The following YTHDF1 variants were observed in gnomAD, a reference collection of about 807,000 sequenced individuals.
YTHDF1 encodes YTH N6-methyladenosine RNA binding protein F1.
In YTHDF1, 16 loss-of-function variants were observed where a neutral mutation model predicts 49.1. The observed-to-expected ratio is 0.33, with a 90% CI of 0.22 to 0.49. The LOEUF is 0.49. YTHDF1 is among the 20% of genes least tolerant of loss of function. YTHDF1 has a pLI of 0.99. For synonymous variants in YTHDF1, 313 were observed against 290.1 expected (o/e 1.08, Z -0.80); for missense variants, 621 against 744.3 (o/e 0.83, Z 1.93).
chr20:63,202,418 T>C lies in YTHDF1; in HGVS notation c.1522A>G (p.Thr508Ala). ...DNKPVTNSRD[T>A]QEVPLEKAKQ... ...GCTTTTTCTAAGGGCACCTCCTGGG[T>C]GTCCCGGGAGTTTGTGACCGGTTTG... Residue 508 changes from threonine to alanine, a missense_variant, in exon 4 of 5, where the codon ACC becomes GCC. Physicochemically the swap from Thr to Ala is moderately conservative, Grantham distance 58 (BLOSUM62 0). Coordinates refer to ENST00000370339, the MANE Select transcript of YTHDF1 (RefSeq NM_017798.4). 1 of 1,614,296 alleles carries C rather than the reference T, an allele frequency of 6.2e-7. No homozygotes were observed. The highest frequency in any genetic ancestry group is 1.3e-5 in the African/African-American group (1 of 75,078).
rs982434227 is a variant in YTHDF1 at position 63,196,462 on chromosome 20, A to G, written c.*246T>C. 6 of 397,710 alleles carry G rather than the reference A, an allele frequency of 1.5e-5. No homozygotes were observed. The highest frequency in any genetic ancestry group is 2.7e-5 in the Non-Finnish European group (6 of 222,080). The allele number at this position is 397,710 out of a possible 1,614,324, so 24.6% of individuals were successfully genotyped here. On this transcript the variant is annotated 3_prime_UTR_variant, in exon 5 of 5. Transcript: ENST00000370339. ...GTTTTTAAGGATACTTACATTTCAC[A>G]TTAGATCAGTCTGATTGATAAGCTG...
Position 63,203,106 on chromosome 20 carries a change from C to T in YTHDF1, c.834G>A (p.Gly278=). The change falls in exon 4 of 5, where the codon GGG becomes GGA. Residue 278 remains glycine, a synonymous_variant. Transcript: ENST00000370339. This position sits in a 1 kb window ranked among gnomAD's most constrained non-coding sequence, Gnocchi z 4.4. ...GGGGGACTGGGGCCTTCGGCACAGG[C>T]CCCTTGTTATCCCAGGTGCCAATGT... ...NMDIGTWDNK[G]PVPKAPVPQQ... The T allele has an allele frequency of 3.1e-6, 5 of 1,611,444 alleles. No individual in the cohort carries two copies. Among genetic ancestry groups the T allele is most frequent in the African/African-American group, 1.3e-5 (1 of 74,958 alleles).
Position 63,203,698 on chromosome 20 carries a change from G to A in YTHDF1, c.242C>T (p.Pro81Leu), listed in dbSNP as rs1204932574. 2 of 1,614,202 alleles carry A rather than the reference G, an allele frequency of 1.2e-6. No individual in the cohort carries two copies. Among genetic ancestry groups the A allele is most frequent in the Non-Finnish European group, 1.7e-6 (2 of 1,180,034 alleles). ...NEAPWSTAGD[P>L]PIPYLTTYGQ... ...GTAGGTGGTGAGGTATGGAATCGGA[G>A]GGTCCCCTGCAGTAGACCACGGAGC... Residue 81 changes from proline (P) to leucine (L), a missense_variant, in exon 4 of 5, where the codon CCT becomes CTT. By Grantham distance (98) the Pro-to-Leu change is moderately conservative. This residue lies in a region of YTHDF1 where 470 missense variants were observed against 495.8 expected (regional missense o/e 0.95). Coordinates refer to ENST00000370339, the MANE Select transcript of YTHDF1 (RefSeq NM_017798.4). The surrounding 1 kb of genome is among the most constrained non-coding windows in gnomAD (Gnocchi z 4.4).
intron 4 of YTHDF1, among the ~76,000 whole-genome samples, chr20:63,200,474 G>A (rs2122973460): frequency 6.6e-6 from 1 of 152,290 alleles, no homozygotes; most frequent in Non-Finnish European, 1.5e-5. Context: ...GAGTTCTCCA[G>A]CTTGGCTAAC....
At chr20:63,214,895 C>CA (rs1345453839) in intron 2 of YTHDF1, among the ~76,000 whole-genome samples, 1 of 152,208 alleles carries the variant, frequency 6.6e-6, no homozygotes, top group Non-Finnish European at 1.5e-5. Flanking sequence ...CCCTTTGGCT[C>CA]AGTGATTTGG....
At chr20:63,214,875 G>A (rs758812278) in intron 2 of YTHDF1, among the ~76,000 whole-genome samples, 1 of 152,190 alleles carries the variant, frequency 6.6e-6, no homozygotes, top group East Asian at 1.9e-4. Flanking sequence ...AGTTCTCAGC[G>A]TAGCTTTCTC....
Position 63,203,216 on chromosome 20 carries a change from C to A in YTHDF1, c.724G>T (p.Ala242Ser), listed in dbSNP as rs2066527156. Residue 242 changes from alanine to serine, a missense_variant, in exon 4 of 5, where the codon GCA becomes TCA. By Grantham distance (99) the Ala-to-Ser change is moderately conservative. Coordinates refer to ENST00000370339, the MANE Select transcript of YTHDF1 (RefSeq NM_017798.4). This position sits in a 1 kb window ranked among gnomAD's most constrained non-coding sequence, Gnocchi z 4.4. ...GTTTTCATTTTAGGCTGTGGTTTTGCAGGCTTGCTGGCAATGGCAGCCCAC... is the reference window on the plus strand; with the variant it reads ...GTTTTCATTTTAGGCTGTGGTTTTGAAGGCTTGCTGGCAATGGCAGCCCAC... ...TSWAAIASKP[A>S]KPQPKMKTKS... 6.2e-7 allele frequency: 1 copy of A among 1,613,908 alleles called. No individual in the cohort carries two copies. Among genetic ancestry groups the A allele is most frequent in the Non-Finnish European group, 8.5e-7 (1 of 1,180,054 alleles).
intron 4 of YTHDF1, among the ~76,000 whole-genome samples, chr20:63,198,213 G>C (rs1014975909): frequency 6.6e-6 from 1 of 151,650 alleles, no homozygotes; most frequent in Non-Finnish European, 1.5e-5. Context: ...TGGGTGGATT[G>C]CCTGAGCTCA....
intron 3 of YTHDF1, among the ~76,000 whole-genome samples, chr20:63,209,694 GGA>G (rs1180776034): frequency 6.6e-6 from 1 of 152,048 alleles, no homozygotes; most frequent in African/African-American, 2.4e-5. Context: ...CCCAGGTGAG[GGA>G]GAGACCCTGC....
chr20:63,214,023 C>G (rs2066589107), intron 2 of YTHDF1, 80 bp from the exon 3 acceptor site: 1 of 1,486,264 alleles, frequency 6.7e-7, no homozygotes, highest in African/African-American at 1.5e-5. Flanking sequence ...TTAGCAAAGT[C>G]TATTTCCATC....
intron 4 of YTHDF1, 125 bp downstream of exon 4, chr20:63,202,162 G>A (rs6122394): frequency 0.21 from 277,710 of 1,321,284 alleles, 30,232 homozygotes; most frequent in East Asian, 0.33. Flanking sequence ...CGGCCAACTG[G>A]GAGCTGCCTG....
In YTHDF1 at chr20:63,202,717, T is replaced by C. The variant is rs2066523481; in HGVS notation, c.1223A>G (p.Tyr408Cys). The C allele has an allele frequency of 1.2e-6, 2 of 1,613,970 alleles. No homozygotes were observed. The highest frequency in any genetic ancestry group is 1.7e-5 in the Admixed American group (1 of 60,010). Residue 408 changes from tyrosine to cysteine, a missense_variant, in exon 4 of 5, where the codon TAC becomes TGC. Tyr to Cys is a radical substitution (Grantham distance 194). This residue lies in a region of YTHDF1 where 151 missense variants were observed against 248.5 expected (regional missense o/e 0.61). Transcript: ENST00000370339. Reference sequence around the variant, plus strand: ...GTGCTCTGTGCTACACCAGATGGAGTACTTAATGGAGCGGTGGATGTCGTC... The same window carrying C: ...GTGCTCTGTGCTACACCAGATGGAGCACTTAATGGAGCGGTGGATGTCGTC... Reference protein sequence around the residue: ...SEDDIHRSIKYSIWCSTEHGN... With the variant: ...SEDDIHRSIKCSIWCSTEHGN...
At chr20:63,210,151 T>C (rs190066334) in intron 3 of YTHDF1, among the ~76,000 whole-genome samples, 2 of 152,212 alleles carry the variant, frequency 1.3e-5, no homozygotes, top group Admixed American at 6.5e-5. Context: ...CGTCACCAGG[T>C]GCCAGGAATT....
intron 4 of YTHDF1, among the ~76,000 whole-genome samples, chr20:63,198,044 T>C (rs539012987): frequency 3.9e-5 from 6 of 152,184 alleles, no homozygotes; most frequent in African/African-American, 1.4e-4. Flanking sequence ...GTCCTACTCT[T>C]AAGAATTAAC....
chr20:63,203,374 C>T lies in YTHDF1; in HGVS notation c.566G>A (p.Gly189Asp). The T allele has an allele frequency of 6.2e-7, 1 of 1,613,106 alleles. No homozygotes were observed. Residue 189 changes from glycine to aspartate, a missense_variant, in exon 4 of 5, where the codon GGC becomes GAC. Around this residue, in one of 2 missense-constraint regions of YTHDF1, gnomAD observed 470 missense variants for 495.8 expected, o/e 0.95. Transcript: ENST00000370339. The surrounding 1 kb of genome is among the most constrained non-coding windows in gnomAD (Gnocchi z 4.4). ...GMNSLEQGMVGLKIGDVSSSA... is the reference protein window; with the variant it reads ...GMNSLEQGMVDLKIGDVSSSA... ...GGAGCTGACGTCCCCAATCTTCAGG[C>T]CAACCATGCCCTGCTCCAGGCTGTT... is the stretch of plus-strand genomic sequence containing the variant.
chr20:63,203,099 G>A lies in YTHDF1; in HGVS notation c.841C>T (p.Pro281Ser). Reference sequence around the variant, plus strand: ...GCCTGCTGGGGGACTGGGGCCTTCGGCACAGGCCCCTTGTTATCCCAGGTG... The same window carrying A: ...GCCTGCTGGGGGACTGGGGCCTTCGACACAGGCCCCTTGTTATCCCAGGTG... ...IGTWDNKGPV[P>S]KAPVPQQAPS... Residue 281 changes from proline (P) to serine (S), a missense_variant, in exon 4 of 5, where the codon CCG (proline) becomes TCG (serine). Pro to Ser is a moderately conservative substitution (Grantham distance 74, BLOSUM62 -1). This residue lies in a region of YTHDF1 where 470 missense variants were observed against 495.8 expected (regional missense o/e 0.95). Transcript: ENST00000370339. This position sits in a 1 kb window ranked among gnomAD's most constrained non-coding sequence, Gnocchi z 4.4. 1.9e-6 allele frequency: 3 copies of A among 1,609,854 alleles called. No individual in the cohort carries two copies. Among genetic ancestry groups the A allele is most frequent in the East Asian group, 2.2e-5 (1 of 44,832 alleles).
chr20:63,204,941 C>G (rs373727412), intron 3 of YTHDF1, among the ~76,000 whole-genome samples: 283 of 152,086 alleles, frequency 1.9e-3, no homozygotes, highest in Admixed American at 3.4e-3. Context: ...GCCGGTGAGA[C>G]GGGGTCCAGT....
intron 3 of YTHDF1, among the ~76,000 whole-genome samples, chr20:63,211,528 GTA>G (rs1348650896): frequency 6.6e-6 from 1 of 152,134 alleles, no homozygotes; most frequent in African/African-American, 2.4e-5. Context: ...GGCTCCAAAG[GTA>G]TGTCTGTGTA....
intron 4 of YTHDF1, among the ~76,000 whole-genome samples, chr20:63,201,952 AAAG>A (rs545048668): frequency 6.6e-6 from 1 of 152,386 alleles, no homozygotes; most frequent in African/African-American, 2.4e-5. Context: ...CACAATTCAA[AAAG>A]GAGAGGAGAA....
Sources: gnomAD v4.1 joint callset for allele counts (sites outside exome capture counted in the v4.1 genomes callset) on GRCh38, gnomAD v4.1.1 for gene constraint, gnomAD v4.1.1 regional missense constraint, Gnocchi (gnomAD v3.1) non-coding constraint, MANE v1.5 for transcripts, NCBI Gene and HGNC (gene_info 2026-07-23, HGNC 2026-07-21) for gene names.